Variants in PCDHGA8 observed in about 807,000 individuals in gnomAD.
The protein encoded by PCDHGA8 is protocadherin gamma subfamily A, 8, also known as protocadherin gamma-A8.
Under a neutral mutation model 59.2 loss-of-function variants are expected in PCDHGA8, and 45 were observed. That is an observed-to-expected ratio of 0.76 (90% CI 0.60 to 0.98). PCDHGA8 has a LOEUF of 0.98. PCDHGA8 is among the 50% of genes least tolerant of loss of function. PCDHGA8 has a pLI of 0.00. For missense variants in PCDHGA8, 1,257 were observed against 1,196.2 expected, an observed-to-expected ratio of 1.05 and a Z score of -0.75; for synonymous variants, 531 against 519.0, an observed-to-expected ratio of 1.02 and a Z score of -0.32.
intron 1 of PCDHGA8, among the ~76,000 whole-genome samples, chr5:141,462,288 G>A (rs1239615759): frequency 3.9e-5 from 6 of 152,196 alleles, no homozygotes; most frequent in Non-Finnish European, 7.3e-5. Flanking sequence ...CACCAAATAT[G>A]TAAGTATTAC....
At chr5:141,415,974 C>T (rs2095976813) in intron 1 of PCDHGA8, 1 of 375,644 alleles carries the variant, frequency 2.7e-6, no homozygotes, top group African/African-American at 2.1e-5. Flanking sequence ...GCCCCTTAAG[C>T]AACCCTCTTG....
intron 1 of PCDHGA8, among the ~76,000 whole-genome samples, chr5:141,445,871 T>C (rs1318495005): frequency 6.6e-6 from 1 of 152,198 alleles, no homozygotes; most frequent in Non-Finnish European, 1.5e-5. Context: ...TTGTTCTAAA[T>C]ACCCTTGTAC....
At chr5:141,478,159 T>C (rs1456465606) in intron 1 of PCDHGA8, 2 of 1,614,064 alleles carry the variant, frequency 1.2e-6, no homozygotes, top group Admixed American at 1.7e-5. Flanking sequence ...CCTCTGGCTC[T>C]GCCCCCCGGG....
At chr5:141,409,741 G>A in intron 1 of PCDHGA8, 2 of 1,613,122 alleles carry the variant, frequency 1.2e-6, no homozygotes, top group Non-Finnish European at 1.7e-6. Context: ...AGAGCGGGGT[G>A]GTGTTCGCGC....
Position 141,400,678 on chromosome 5 carries a change from T to A in PCDHGA8, c.2424+5441T>A. ...ACCATTCTTTAAGAGGAGCAGTAAA[T>A]TGTGAGTTTTTATGTCGCATAAAAG... On this transcript the variant is annotated intron_variant, in intron 1 of 3. Coordinates refer to ENST00000398604, the MANE Select transcript of PCDHGA8 (RefSeq NM_032088.2). 4.5e-6 allele frequency: 4 copies of A among 882,002 alleles called. No homozygotes were observed. In the South Asian group the frequency reaches 6.9e-5, roughly 15 times the overall value. The allele number at this position is 882,002 out of a possible 1,614,324, so 54.6% of individuals were successfully genotyped here.
chr5:141,455,364 G>C (rs2098820282), intron 1 of PCDHGA8, among the ~76,000 whole-genome samples: 1 of 152,252 alleles, frequency 6.6e-6, no homozygotes, highest in South Asian at 2.1e-4. Flanking sequence ...TAGGCAAGAA[G>C]GAAGGGAGAA....
At position 141,427,298 on chromosome 5, in the gene PCDHGA8, G is replaced by A. The variant is rs960474831; in HGVS notation, c.2424+32061G>A. The A allele has an allele frequency of 8.8e-6, 4 of 456,870 alleles. No individual in the cohort carries two copies. The Admixed American group carries it at 9.4e-5, about 11-fold the overall frequency. 28.3% of individuals were successfully genotyped at this position (456,870 alleles called of 1,614,324 possible). A position where few individuals can be genotyped will look rare whatever the true frequency, so the allele number is the denominator to read the frequency against. On this transcript the variant is annotated intron_variant, in intron 1 of 3. Coordinates refer to ENST00000398604, the MANE Select transcript of PCDHGA8 (RefSeq NM_032088.2). ...AAATTATACTAGAAATCCTAGATGA[G>A]AATGACAATGCCCCAGACGTGGTTT...
In PCDHGA8 at chr5:141,486,981, A is replaced by G. The variant is rs1457098151; in HGVS notation, c.2425-7826A>G. Reference sequence around the variant, plus strand: ...GCTGTGGACTTGGATTCAGGTTACAATGCTTGGGTTTCCTATCAGCTCCTG... The same window carrying G: ...GCTGTGGACTTGGATTCAGGTTACAGTGCTTGGGTTTCCTATCAGCTCCTG... On this transcript the variant is annotated intron_variant, in intron 1 of 3. Coordinates refer to ENST00000398604, the MANE Select transcript of PCDHGA8 (RefSeq NM_032088.2). The surrounding 1 kb of genome is among the most constrained non-coding windows in gnomAD (Gnocchi z 5.0). 17 of 1,614,038 alleles carry G rather than the reference A, an allele frequency of 1.1e-5. No individual in the cohort carries two copies. The highest frequency in any genetic ancestry group is 4.0e-5 in the African/African-American group (3 of 74,922).
At chr5:141,397,277 C>A (rs920366365) in intron 1 of PCDHGA8, among the ~76,000 whole-genome samples, 1 of 151,970 alleles carries the variant, frequency 6.6e-6, no homozygotes. Flanking sequence ...ATCATATGGG[C>A]AGTATACTTG....
intron 1 of PCDHGA8, chr5:141,396,605 G>A (rs2093403616): frequency 6.6e-6 from 1 of 151,594 alleles, no homozygotes; most frequent in Non-Finnish European, 1.5e-5. Flanking sequence ...GGGCAACAGG[G>A]TGAGACTCCG....
chr5:141,510,510 G>C (rs1042950478), intron 3 of PCDHGA8, among the ~76,000 whole-genome samples: 1 of 152,132 alleles, frequency 6.6e-6, no homozygotes, highest in Non-Finnish European at 1.5e-5. Context: ...CTGAGAGCCC[G>C]TGTCACAGCC....
intron 1 of PCDHGA8, chr5:141,403,981 T>C (rs374013287): frequency 1.4e-5 from 23 of 1,613,600 alleles, no homozygotes; most frequent in Admixed American, 1.2e-4. Flanking sequence ...TAAATGACAA[T>C]AGACCTGAAG....
At chr5:141,406,116 AG>A (rs982166274) in intron 1 of PCDHGA8, among the ~76,000 whole-genome samples, 4 of 147,788 alleles carry the variant, frequency 2.7e-5, no homozygotes, top group African/African-American at 1.0e-4. Context: ...TCTGTTGTCC[AG>A]GGTGGAATGC....
chr5:141,406,477 A>G (rs1233914824), intron 1 of PCDHGA8, among the ~76,000 whole-genome samples: 1 of 152,166 alleles, frequency 6.6e-6, no homozygotes, highest in Non-Finnish European at 1.5e-5. Flanking sequence ...TTGAGGTTAT[A>G]TTTTTCAGAT....
rs61612330 is a variant in PCDHGA8, at chr5:141,454,796, A to ATTTTTTTTTTTTTTTTTT, written c.2425-39999_2425-39982dup. Reference sequence around the variant, plus strand: ...AAGGAAATAATCCTCCATGGTTCTAATTTTTTTTTTTTTTTTTTTTTTTTT... The same window carrying ATTTTTTTTTTTTTTTTTT: ...AAGGAAATAATCCTCCATGGTTCTAATTTTTTTTTTTTTTTTTTTTTTTTTTTTTTTTTTTTTTTTTTT... On this transcript the variant is annotated intron_variant, in intron 1 of 3. Coordinates refer to ENST00000398604, the MANE Select transcript of PCDHGA8 (RefSeq NM_032088.2). 9.0e-4 allele frequency among the ~76,000 whole-genome samples: 70 copies of ATTTTTTTTTTTTTTTTTT among 77,458 alleles called. 9 individuals carry two copies. Among genetic ancestry groups the ATTTTTTTTTTTTTTTTTT allele is most frequent in the Non-Finnish European group, 1.1e-3 (48 of 42,814 alleles). The allele number at this position is 77,458 out of a possible 152,430, so 50.8% of individuals were successfully genotyped here. A position where few individuals can be genotyped will look rare whatever the true frequency, so the allele number is the denominator to read the frequency against.
chr5:141,486,722 G>C lies in PCDHGA8; in HGVS notation c.2425-8085G>C, dbSNP rs1235454839. The C allele has an allele frequency of 6.2e-7, 1 of 1,614,200 alleles. No homozygotes were observed. Among genetic ancestry groups the C allele is most frequent in the East Asian group, 2.2e-5 (1 of 44,874 alleles). ...CTCTCTGAACCCCCAGACAGGAGCT[G>C]TTCATGCTACTCGATCCTTTGACTA... On this transcript the variant is annotated intron_variant, in intron 1 of 3. Transcript: ENST00000398604. This position sits in a 1 kb window ranked among gnomAD's most constrained non-coding sequence, Gnocchi z 5.0.
chr5:141,464,896 G>C (rs1166142533), intron 1 of PCDHGA8, among the ~76,000 whole-genome samples: 2 of 151,554 alleles, frequency 1.3e-5, no homozygotes, highest in African/African-American at 4.8e-5. Context: ...ATGCCACCAT[G>C]TCCAGCTAAT....
chr5:141,465,056 G>A (rs908104635), intron 1 of PCDHGA8, among the ~76,000 whole-genome samples: 9 of 151,044 alleles, frequency 6.0e-5, no homozygotes, highest in Non-Finnish European at 1.3e-4. Context: ...ATATTTTTTT[G>A]AATTGTCTGT....
Position 141,477,393 on chromosome 5 carries a change from G to A in PCDHGA8, c.2425-17414G>A, listed in dbSNP as rs1397453429. On this transcript the variant is annotated intron_variant, in intron 1 of 3. Transcript: ENST00000398604. This position sits in a 1 kb window ranked among gnomAD's most constrained non-coding sequence, Gnocchi z 4.9. The stretch of plus-strand genomic sequence containing the variant: ...GAGACTGTGCCAGAATACAACCTCA[G>A]CATCACCGCCCGAGACGCCGGAACC... The A allele has an allele frequency of 5.6e-6, 9 of 1,614,098 alleles. No individual in the cohort carries two copies. Among genetic ancestry groups the A allele is most frequent in the Non-Finnish European group, 7.6e-6 (9 of 1,180,028 alleles).
Sources: allele counts gnomAD v4.1 joint callset (sites outside exome capture counted in the v4.1 genomes callset), GRCh38; gene constraint gnomAD v4.1.1; non-coding constraint Gnocchi (gnomAD v3.1); transcripts MANE v1.5; gene names NCBI Gene and HGNC (gene_info 2026-07-23, HGNC 2026-07-21).